The following SRPK2 variants were observed in gnomAD, a reference collection of about 807,000 sequenced individuals.
SRPK2 encodes SFRS protein kinase 2.
A neutral mutation model predicts 90.8 loss-of-function variants in SRPK2; 21 were observed. That is an observed-to-expected ratio of 0.23 (90% CI 0.16 to 0.33). The LOEUF (loss-of-function observed/expected upper bound fraction) is 0.33, where lower values mean the gene tolerates loss of function less well. Ranked by LOEUF, SRPK2 falls within the 10% of genes least tolerant of loss-of-function variation. SRPK2 has a pLI of 1.00. For missense variants in SRPK2, 620 were observed against 869.0 expected, an observed-to-expected ratio of 0.71 and a Z score of 3.60; for synonymous variants, 288 against 311.1, an observed-to-expected ratio of 0.93 and a Z score of 0.78.
At chr7:105,365,487 CAAAAAAAAA>C (rs374198950) in intron 2 of SRPK2, among the ~76,000 whole-genome samples, 5 of 69,712 alleles carry the variant, frequency 7.2e-5, no homozygotes, top group African/African-American at 2.1e-4. Flanking sequence ...AATTCTGTCT[CAAAAAAAAA>C]AAAAAAAAAA....
At chr7:105,222,234 G>A (rs1798179300) in intron 2 of SRPK2, among the ~76,000 whole-genome samples, 1 of 152,186 alleles carries the variant, frequency 6.6e-6, no homozygotes, top group Non-Finnish European at 1.5e-5. Flanking sequence ...AAACTGCTTT[G>A]CAAAATTCTG....
intron 6 of SRPK2, among the ~76,000 whole-genome samples, chr7:105,161,175 T>A (rs554700768): frequency 1.3e-4 from 20 of 152,192 alleles, no homozygotes; most frequent in Non-Finnish European, 2.4e-4. Flanking sequence ...TCCACCCGCC[T>A]TGGGCTCCCA....
chr7:105,234,215 T>C (rs1449436191), intron 2 of SRPK2, among the ~76,000 whole-genome samples: 1 of 152,214 alleles, frequency 6.6e-6, no homozygotes, highest in African/African-American at 2.4e-5. Context: ...AGATTTATAC[T>C]AGTAGTTGCC....
chr7:105,310,847 T>C (rs903565208), intron 2 of SRPK2, among the ~76,000 whole-genome samples: 3 of 152,224 alleles, frequency 2.0e-5, no homozygotes, highest in Admixed American at 1.3e-4. Flanking sequence ...ACTCAAACTT[T>C]TTGTGGAATG....
chr7:105,235,679 A>T (rs573026872), intron 2 of SRPK2, among the ~76,000 whole-genome samples: 1 of 152,354 alleles, frequency 6.6e-6, no homozygotes, highest in African/African-American at 2.4e-5. Context: ...GAAACATTCA[A>T]CATTTGAAAC....
chr7:105,353,812 A>G (rs1340912846), intron 2 of SRPK2, among the ~76,000 whole-genome samples: 2 of 152,204 alleles, frequency 1.3e-5, no homozygotes, highest in Non-Finnish European at 2.9e-5. Flanking sequence ...AAGCTGGCAG[A>G]CTTTTTTAAT....
At chr7:105,368,146 A>G (rs1222123335) in intron 2 of SRPK2, among the ~76,000 whole-genome samples, 2 of 152,234 alleles carry the variant, frequency 1.3e-5, no homozygotes. Context: ...TAGTTACTAT[A>G]AAGAATATTT....
At chr7:105,115,561 T>C (rs1040274444), downstream of SRPK2, 6 of 152,214 alleles carry the variant, frequency 3.9e-5, no homozygotes, top group African/African-American at 1.4e-4. Context: ...CTAGTTATAA[T>C]GTTTAGCATA....
At chr7:105,280,666 G>GT (rs1211408863) in intron 2 of SRPK2, among the ~76,000 whole-genome samples, 3 of 148,860 alleles carry the variant, frequency 2.0e-5, no homozygotes, top group Admixed American at 6.7e-5. Context: ...AGGGGGGGGG[G>GT]GCCGGGCACA....
At chr7:105,260,001 A>G (rs1803977124) in intron 2 of SRPK2, among the ~76,000 whole-genome samples, 1 of 152,226 alleles carries the variant, frequency 6.6e-6, no homozygotes, top group African/African-American at 2.4e-5. Context: ...CTAAAACACC[A>G]AAAGCAATGG....
intron 2 of SRPK2, chr7:105,306,338 A>G: frequency 5.6e-6 from 2 of 354,948 alleles, no homozygotes; most frequent in South Asian, 2.3e-5. Flanking sequence ...TCTGAATACC[A>G]TAGTTTCAGA....
intron 2 of SRPK2, among the ~76,000 whole-genome samples, chr7:105,344,738 TA>T (rs1369375575): frequency 6.8e-6 from 1 of 147,050 alleles, no homozygotes; most frequent in African/African-American, 2.5e-5. Flanking sequence ...ATTTCCAAAG[TA>T]CCACAATTAA....
At chr7:105,285,385 CAAAA>C (rs58399129) in intron 2 of SRPK2, among the ~76,000 whole-genome samples, 5 of 106,206 alleles carry the variant, frequency 4.7e-5, no homozygotes, top group Admixed American at 2.1e-4. Flanking sequence ...ACCCCGTCTC[CAAAA>C]AAAAAAAAAA....
intron 2 of SRPK2, among the ~76,000 whole-genome samples, chr7:105,291,087 C>T (rs189273155): frequency 2.6e-4 from 39 of 147,344 alleles, no homozygotes; most frequent in African/African-American, 7.2e-4. Flanking sequence ...TGGGACCATT[C>T]TAAACAAAAA....
At chr7:105,228,823 G>A (rs1327334964) in intron 2 of SRPK2, among the ~76,000 whole-genome samples, 1 of 152,182 alleles carries the variant, frequency 6.6e-6, no homozygotes, top group Non-Finnish European at 1.5e-5. Flanking sequence ...TTGGCGCCTG[G>A]AGCAGCCAGC....
intron 13 of SRPK2, among the ~76,000 whole-genome samples, chr7:105,127,671 C>G (rs923727082): frequency 6.6e-6 from 1 of 152,188 alleles, no homozygotes; most frequent in African/African-American, 2.4e-5. Context: ...TCACGGAGCA[C>G]TGGCTTCCTG....
At chr7:105,298,335 G>C (rs9641344) in intron 2 of SRPK2, among the ~76,000 whole-genome samples, 1 of 152,296 alleles carries the variant, frequency 6.6e-6, no homozygotes, top group Non-Finnish European at 1.5e-5. Flanking sequence ...CTGATGAGTA[G>C]TATTCCATTG....
intron 2 of SRPK2, among the ~76,000 whole-genome samples, chr7:105,286,748 A>G (rs1189598210): frequency 2.0e-5 from 3 of 152,240 alleles, no homozygotes; most frequent in Non-Finnish European, 4.4e-5. Context: ...CAATTAGTCA[A>G]TCATGCCAAA....
chr7:105,246,656 CT>C (rs1801702148), intron 2 of SRPK2, among the ~76,000 whole-genome samples: 1 of 152,238 alleles, frequency 6.6e-6, no homozygotes, highest in Admixed American at 6.5e-5. Flanking sequence ...CTGAGAGGTA[CT>C]GCTTTGGGTT....
Sources: gnomAD v4.1 joint callset for allele counts (sites outside exome capture counted in the v4.1 genomes callset) on GRCh38, gnomAD v4.1.1 for gene constraint, MANE v1.5 for transcripts, NCBI Gene and HGNC (gene_info 2026-07-23, HGNC 2026-07-21) for gene names.